Variants in C1orf21 observed in about 807,000 individuals in gnomAD.
C1orf21 encodes uncharacterized protein C1orf21.
A neutral mutation model predicts 18.7 loss-of-function variants in C1orf21; 3 were observed. That is an observed-to-expected ratio of 0.16 (90% CI 0.07 to 0.42). The LOEUF is 0.42. Ranked by LOEUF, C1orf21 falls within the 10% of genes least tolerant of loss-of-function variation. The probability of loss-of-function intolerance (pLI) is 0.99; values close to 1 mark genes in which losing one functional copy is unlikely to be tolerated. For missense variants in C1orf21, 104 were observed against 143.6 expected, an observed-to-expected ratio of 0.72 and a Z score of 1.41; for synonymous variants, 41 against 46.4, an observed-to-expected ratio of 0.88 and a Z score of 0.47.
At chr1:184,390,703 C>T (rs1655958350) in intron 1 of C1orf21, among the ~76,000 whole-genome samples, 1 of 152,096 alleles carries the variant, frequency 6.6e-6, no homozygotes, top group Non-Finnish European at 1.5e-5. Context: ...ACTCAGATGA[C>T]CTTTTTTTTT....
At chr1:184,389,351 A>G (rs1655935623) in intron 1 of C1orf21, among the ~76,000 whole-genome samples, 2 of 152,100 alleles carry the variant, frequency 1.3e-5, no homozygotes, top group Admixed American at 6.5e-5. Flanking sequence ...TCCAGTGTTA[A>G]AAGTTCATCC....
intron 1 of C1orf21, among the ~76,000 whole-genome samples, chr1:184,445,458 A>T: frequency 6.8e-6 from 1 of 146,534 alleles, no homozygotes; most frequent in East Asian, 2.0e-4. Context: ...TAAAAAAAGG[A>T]AAAACCTATT....
intron 1 of C1orf21, among the ~76,000 whole-genome samples, chr1:184,452,383 G>C (rs536825277): frequency 1.3e-5 from 2 of 151,986 alleles, no homozygotes; most frequent in Non-Finnish European, 2.9e-5. Context: ...TCCAAAGGGA[G>C]AATCACGTCA....
At chr1:184,517,557 G>A (rs1658249015) in intron 3 of C1orf21, among the ~76,000 whole-genome samples, 3 of 152,168 alleles carry the variant, frequency 2.0e-5, no homozygotes, top group African/African-American at 7.2e-5. Flanking sequence ...AGTGAAATAG[G>A]CAAAATGTCA....
intron 3 of C1orf21, among the ~76,000 whole-genome samples, chr1:184,509,474 G>C (rs1658112692): frequency 6.6e-6 from 1 of 152,200 alleles, no homozygotes; most frequent in South Asian, 2.1e-4. Context: ...TTTGCATGGT[G>C]AATGGGGAGT....
intron 2 of C1orf21, among the ~76,000 whole-genome samples, chr1:184,504,844 G>A (rs1658029756): frequency 6.6e-6 from 1 of 152,114 alleles, no homozygotes; most frequent in Non-Finnish European, 1.5e-5. Context: ...TTAACACCAC[G>A]TTGGCTAGCC....
In C1orf21 at chr1:184,420,756, A is replaced by C. The variant is rs60173611; in HGVS notation, c.-125+33388A>C. On this transcript the variant is annotated intron_variant, in intron 1 of 5. Coordinates refer to ENST00000235307, the MANE Select transcript of C1orf21 (RefSeq NM_030806.4). ...AGTTGATGTCTAAAATAACCCCCCC[A>C]CACAACATTAATCCTCCTTCAGTTG... is the stretch of plus-strand genomic sequence containing the variant. 4.7e-3 allele frequency among the ~76,000 whole-genome samples: 717 copies of C among 152,206 alleles called. 9 individuals carry two copies. The highest frequency in any genetic ancestry group is 0.016 in the African/African-American group (652 of 41,534).
At chr1:184,432,374 A>G (rs549787791) in intron 1 of C1orf21, among the ~76,000 whole-genome samples, 1 of 152,360 alleles carries the variant, frequency 6.6e-6, no homozygotes, top group South Asian at 2.1e-4. Context: ...TTGCAGGGAC[A>G]TGGATGAAGC....
intron 3 of C1orf21, among the ~76,000 whole-genome samples, chr1:184,585,854 T>A (rs562946411): frequency 6.6e-6 from 1 of 152,356 alleles, no homozygotes; most frequent in East Asian, 1.9e-4. Flanking sequence ...ACATTTTCTT[T>A]ATTCAGTCTA....
At chr1:184,609,926 A>G (rs138591789) in intron 5 of C1orf21, among the ~76,000 whole-genome samples, 125 of 152,336 alleles carry the variant, frequency 8.2e-4, no homozygotes, top group African/African-American at 2.9e-3. Flanking sequence ...TTTGATTTTC[A>G]ATGTTTTCAT....
intron 1 of C1orf21, among the ~76,000 whole-genome samples, chr1:184,397,268 T>A (rs1406925938): frequency 6.6e-6 from 1 of 152,166 alleles, no homozygotes; most frequent in East Asian, 1.9e-4. Context: ...TGGGAATATA[T>A]CAACATGTTT....
chr1:184,619,609 C>T lies in C1orf21; in HGVS notation c.*53C>T. On this transcript the variant is annotated 3_prime_UTR_variant, in exon 6 of 6. Coordinates refer to ENST00000235307, the MANE Select transcript of C1orf21 (RefSeq NM_030806.4). ...CTACTACTGTGTAAATAGGTTACAC[C>T]CCAGTTGAAATCTTTGCAAAGGTCG... 3.2e-6 allele frequency: 5 copies of T among 1,541,412 alleles called. No homozygotes were observed. The highest frequency in any genetic ancestry group is 3.6e-6 in the Non-Finnish European group (4 of 1,124,604).
At chr1:184,506,257 T>TG (rs1658060551) in intron 2 of C1orf21, among the ~76,000 whole-genome samples, 1 of 152,198 alleles carries the variant, frequency 6.6e-6, no homozygotes, top group African/African-American at 2.4e-5. Context: ...TTCAGATACA[T>TG]GCAAATGTAT....
intron 3 of C1orf21, among the ~76,000 whole-genome samples, chr1:184,514,139 T>C (rs1474554424): frequency 3.9e-5 from 6 of 152,080 alleles, no homozygotes; most frequent in East Asian, 1.9e-4. Flanking sequence ...TCTACAAAAA[T>C]AAAAGTAAAA....
At chr1:184,419,077 A>G (rs1656504740) in intron 1 of C1orf21, among the ~76,000 whole-genome samples, 1 of 151,948 alleles carries the variant, frequency 6.6e-6, no homozygotes, top group Non-Finnish European at 1.5e-5. Context: ...GAAGAGGTGA[A>G]TTAGTTTTAT....
chr1:184,539,127 T>C (rs891976781), intron 3 of C1orf21, among the ~76,000 whole-genome samples: 1 of 152,172 alleles, frequency 6.6e-6, no homozygotes, highest in African/African-American at 2.4e-5. Flanking sequence ...TGATGTTCAC[T>C]GGGGTTTTTC....
intron 3 of C1orf21, among the ~76,000 whole-genome samples, chr1:184,516,937 G>T (rs985275326): frequency 1.4e-4 from 22 of 152,226 alleles, no homozygotes; most frequent in African/African-American, 4.1e-4. Context: ...CATCCAGTTG[G>T]TGAAAACTGG....
intron 1 of C1orf21, among the ~76,000 whole-genome samples, chr1:184,475,694 A>C (rs1657559978): frequency 1.3e-5 from 2 of 151,886 alleles, no homozygotes; most frequent in South Asian, 4.2e-4. Flanking sequence ...AAATAGAAAT[A>C]CTGTAGCCTT....
At chr1:184,584,093 C>T (rs889929186) in intron 3 of C1orf21, among the ~76,000 whole-genome samples, 1 of 151,482 alleles carries the variant, frequency 6.6e-6, no homozygotes, top group Non-Finnish European at 1.5e-5. Flanking sequence ...TCTCCTTCCC[C>T]CTCCTTCCAG....
Sources: allele counts gnomAD v4.1 joint callset (sites outside exome capture counted in the v4.1 genomes callset), GRCh38; gene constraint gnomAD v4.1.1; transcripts MANE v1.5; gene names NCBI Gene and HGNC (gene_info 2026-07-23, HGNC 2026-07-21).